The following AFG2A variants were observed in gnomAD, a reference collection of about 807,000 sequenced individuals.
AFG2A encodes AAA ATPase AFG2A.
the AFG2A span, among the ~76,000 whole-genome samples, chr4:123,232,903 T>C: frequency 6.6e-6 from 1 of 152,036 alleles, no homozygotes; most frequent in South Asian, 2.1e-4. Context: ...CACAATGAAA[T>C]CATGAAAACC....
At chr4:123,274,300 A>G in the AFG2A span, among the ~76,000 whole-genome samples, 3 of 152,056 alleles carry the variant, frequency 2.0e-5, no homozygotes, top group Admixed American at 1.3e-4. Flanking sequence ...GCACTTAATA[A>G]TGTTTGATGA....
the AFG2A span, among the ~76,000 whole-genome samples, chr4:123,118,355 A>ATAATATATATAT: frequency 8.9e-5 from 12 of 134,714 alleles, no homozygotes; most frequent in African/African-American, 3.2e-4. Context: ...TATATATATT[A>ATAATATATATAT]TATATATATA....
At chr4:123,105,516 C>T in the AFG2A span, among the ~76,000 whole-genome samples, 1 of 152,060 alleles carries the variant, frequency 6.6e-6, no homozygotes, top group Non-Finnish European at 1.5e-5. Flanking sequence ...GCTATTGCTG[C>T]TGTAATAGTA....
chr4:122,928,769 T>C, the AFG2A span, among the ~76,000 whole-genome samples: 1 of 152,230 alleles, frequency 6.6e-6, no homozygotes, highest in Admixed American at 6.5e-5. Context: ...TCATATCTTC[T>C]ACCGTCTTCA....
chr4:122,928,083 T>C, the AFG2A span, among the ~76,000 whole-genome samples: 1 of 152,240 alleles, frequency 6.6e-6, no homozygotes, highest in African/African-American at 2.4e-5. Flanking sequence ...ATATTAACTC[T>C]GTTCCTTTGC....
chr4:123,087,638 C>G, the AFG2A span, among the ~76,000 whole-genome samples: 2 of 152,182 alleles, frequency 1.3e-5, no homozygotes, highest in Non-Finnish European at 2.9e-5. Flanking sequence ...CTCTATGACT[C>G]TCAGACTTGT....
At chr4:123,007,608 G>GTATATA in the AFG2A span, among the ~76,000 whole-genome samples, 16 of 18,140 alleles carry the variant, frequency 8.8e-4, no homozygotes, top group South Asian at 2.3e-3. Context: ...GTGTGTGTGT[G>GTATATA]TATATATATA....
At chr4:123,074,648 T>A in the AFG2A span, among the ~76,000 whole-genome samples, 1 of 152,128 alleles carries the variant, frequency 6.6e-6, no homozygotes, top group Non-Finnish European at 1.5e-5. Context: ...AAATTCAACT[T>A]TTTAAAAATT....
chr4:123,127,075 CT>C, the AFG2A span, among the ~76,000 whole-genome samples: 1 of 152,056 alleles, frequency 6.6e-6, no homozygotes, highest in South Asian at 2.1e-4. Flanking sequence ...GAAAAATCAG[CT>C]GTAGCCCTGG....
At chr4:123,133,816 T>C in the AFG2A span, among the ~76,000 whole-genome samples, 1 of 152,326 alleles carries the variant, frequency 6.6e-6, no homozygotes, top group African/African-American at 2.4e-5. Flanking sequence ...TTCATCTTTC[T>C]GATGGCCAGT....
chr4:123,265,329 G>T, the AFG2A span, among the ~76,000 whole-genome samples: 1 of 152,028 alleles, frequency 6.6e-6, no homozygotes, highest in Non-Finnish European at 1.5e-5. Flanking sequence ...TAAACTCTTT[G>T]TTGGGAAAAT....
the AFG2A span, among the ~76,000 whole-genome samples, chr4:123,201,387 G>A: frequency 1.4e-4 from 22 of 152,150 alleles, no homozygotes; most frequent in Non-Finnish European, 2.8e-4. Context: ...TCAGAACATC[G>A]ACAAAAACAC....
the AFG2A span, among the ~76,000 whole-genome samples, chr4:123,191,784 A>C: frequency 1.3e-5 from 2 of 152,008 alleles, no homozygotes; most frequent in Non-Finnish European, 2.9e-5. Flanking sequence ...AGTGGTTGTC[A>C]TTTTCCTACT....
chr4:123,153,937 T>C, the AFG2A span, among the ~76,000 whole-genome samples: 2 of 152,336 alleles, frequency 1.3e-5, no homozygotes, highest in African/African-American at 2.4e-5. Context: ...AAGAAAAAAC[T>C]GTTAATCTAG....
the AFG2A span, among the ~76,000 whole-genome samples, chr4:122,944,281 C>T: frequency 9.9e-5 from 15 of 151,998 alleles, no homozygotes; most frequent in African/African-American, 2.7e-4. Flanking sequence ...ACCAATCAGA[C>T]GTAGATTTGG....
chr4:123,231,857 T>G, the AFG2A span, among the ~76,000 whole-genome samples: 3 of 151,826 alleles, frequency 2.0e-5, no homozygotes, highest in African/African-American at 7.2e-5. Context: ...GAACAACCAG[T>G]TGGTGGAACA....
the AFG2A span, among the ~76,000 whole-genome samples, chr4:122,946,476 G>T: frequency 6.6e-6 from 1 of 152,014 alleles, no homozygotes; most frequent in Non-Finnish European, 1.5e-5. Context: ...TGCATTGTCT[G>T]TTGGCACATT....
the AFG2A span, chr4:122,935,993 A>T: frequency 7.8e-7 from 1 of 1,283,092 alleles, no homozygotes; most frequent in Non-Finnish European, 1.0e-6. Context: ...TTCTTTTTGA[A>T]AGTAATTTTA....
the AFG2A span, among the ~76,000 whole-genome samples, chr4:123,199,269 T>A: frequency 6.6e-6 from 1 of 152,180 alleles, no homozygotes; most frequent in African/African-American, 2.4e-5. Context: ...CAAATCCTGA[T>A]TTTTAAATAT....
Sources: gnomAD v4.1 joint callset for allele counts (sites outside exome capture counted in the v4.1 genomes callset) on GRCh38, gnomAD v4.1.1 for gene constraint, MANE v1.5 for transcripts, NCBI Gene and HGNC (gene_info 2026-07-23, HGNC 2026-07-21) for gene names.